UBE3D: variants seen among roughly 807,000 people sequenced by gnomAD.
The protein encoded by UBE3D is ubiquitin protein ligase E3D, also known as E3 ubiquitin-protein ligase E3D.
A neutral mutation model predicts 49.6 loss-of-function variants in UBE3D; 48 were observed. The ratio of observed to expected loss-of-function variants is 0.97; its 90% CI spans 0.77 to 1.23. The LOEUF is 1.23. Ranked by LOEUF, UBE3D falls within the 50% of genes most tolerant of loss-of-function variation. The pLI is 0.00. For synonymous variants in UBE3D, 189 were observed against 174.2 expected (o/e 1.08, Z -0.67); for missense variants, 452 against 468.4 (o/e 0.96, Z 0.32).
intron 9 of UBE3D, among the ~76,000 whole-genome samples, chr6:82,895,597 A>G (rs1413912443): frequency 1.3e-5 from 2 of 152,164 alleles, no homozygotes; most frequent in African/African-American, 4.8e-5. Flanking sequence ...AATTTGTAAA[A>G]CACTTTATTA....
intron 8 of UBE3D, among the ~76,000 whole-genome samples, chr6:83,000,712 T>C (rs1562170371): frequency 2.0e-5 from 3 of 151,910 alleles, no homozygotes; most frequent in Non-Finnish European, 2.9e-5. Flanking sequence ...CTATGCCTGT[T>C]TCTCTCTCTC....
At chr6:83,064,380 A>G (rs1234230230) in intron 1 of UBE3D, among the ~76,000 whole-genome samples, 5 of 152,034 alleles carry the variant, frequency 3.3e-5, no homozygotes, top group African/African-American at 1.2e-4. Context: ...GGTGCGCGCC[A>G]CCACACCCAG....
At chr6:82,970,099 T>C (rs1461512965) in intron 8 of UBE3D, among the ~76,000 whole-genome samples, 1 of 148,098 alleles carries the variant, frequency 6.8e-6, no homozygotes, top group African/African-American at 2.4e-5. Flanking sequence ...TATATAATTA[T>C]ATATAATAGA....
intron 9 of UBE3D, among the ~76,000 whole-genome samples, chr6:82,922,648 TAC>T (rs1238236544): frequency 1.3e-5 from 1 of 74,458 alleles, no homozygotes; most frequent in Non-Finnish European, 3.1e-5. Flanking sequence ...ACCTGGGCAA[TAC>T]CATTCAGGAC....
intron 5 of UBE3D, among the ~76,000 whole-genome samples, chr6:83,034,787 A>G (rs1029726466): frequency 1.3e-5 from 2 of 152,108 alleles, no homozygotes; most frequent in African/African-American, 2.4e-5. Context: ...TTCTTTACAA[A>G]TTACCCAGTC....
chr6:83,020,621 A>G lies in UBE3D; in HGVS notation c.847-1485T>C, dbSNP rs1237484982. ...CTCCCGATCTTCAATCTGAAATCTT[A>G]CAATAAAAGAAAAAGTAAAACTGAT... On this transcript the variant is annotated intron_variant, in intron 7 of 9. Coordinates refer to ENST00000369747, the MANE Select transcript of UBE3D (RefSeq NM_198920.3). Among the ~76,000 whole-genome samples, 3 of 152,358 alleles carry G rather than the reference A, an allele frequency of 2.0e-5. No homozygotes were observed. The East Asian group carries it at 5.8e-4, about 29-fold the overall frequency.
intron 8 of UBE3D, among the ~76,000 whole-genome samples, chr6:82,977,113 CAAAAAAAAAAAAA>C (rs58424434): frequency 7.0e-5 from 3 of 42,572 alleles, no homozygotes; most frequent in South Asian, 3.2e-3. Context: ...GACTCCATCT[CAAAAAAAAAAAAA>C]AAAAAAAAAA....
At chr6:82,923,607 CTAA>C (rs1280602678) in intron 9 of UBE3D, among the ~76,000 whole-genome samples, 1 of 152,116 alleles carries the variant, frequency 6.6e-6, no homozygotes, top group African/African-American at 2.4e-5. Flanking sequence ...GGAGAAATAC[CTAA>C]TGTAGGTGAC....
chr6:83,023,372 CA>C (rs1781235922), intron 6 of UBE3D, among the ~76,000 whole-genome samples: 1 of 152,154 alleles, frequency 6.6e-6, no homozygotes. Flanking sequence ...ATGATCAAAA[CA>C]TTTTTTAAAA....
chr6:83,005,482 A>C (rs1445519141), intron 8 of UBE3D, among the ~76,000 whole-genome samples: 1 of 152,250 alleles, frequency 6.6e-6, no homozygotes, highest in South Asian at 2.1e-4. Flanking sequence ...ACTTCTAGAT[A>C]TATATCCAAA....
intron 9 of UBE3D, among the ~76,000 whole-genome samples, chr6:82,927,213 C>CTTTT (rs34600480): frequency 1.4e-5 from 2 of 144,146 alleles, no homozygotes; most frequent in Non-Finnish European, 1.5e-5. Context: ...ATCTATTTGT[C>CTTTT]TTTTTTTTTT....
chr6:82,966,317 A>G (rs909937149), intron 8 of UBE3D, among the ~76,000 whole-genome samples: 7 of 152,270 alleles, frequency 4.6e-5, no homozygotes, highest in Non-Finnish European at 7.3e-5. Flanking sequence ...ATATTCTGAA[A>G]CTAGATAGTG....
chr6:82,898,458 GA>G (rs1366242350), intron 9 of UBE3D, among the ~76,000 whole-genome samples: 1 of 152,172 alleles, frequency 6.6e-6, no homozygotes, highest in Non-Finnish European at 1.5e-5. Context: ...ACTGAATAAA[GA>G]AAATGTGGCA....
At chr6:83,014,270 T>C (rs951816192) in intron 8 of UBE3D, among the ~76,000 whole-genome samples, 1 of 152,234 alleles carries the variant, frequency 6.6e-6, no homozygotes, top group Non-Finnish European at 1.5e-5. Context: ...TTTCAAGTCC[T>C]TGATGGTGGC....
At chr6:82,893,833 T>C (rs1771115030) in intron 9 of UBE3D, 1 of 152,238 alleles carries the variant, frequency 6.6e-6, no homozygotes, top group Admixed American at 6.5e-5. Flanking sequence ...TCAGGAAATT[T>C]TGTCCTTAAG....
intron 9 of UBE3D, among the ~76,000 whole-genome samples, chr6:82,922,597 A>T (rs1773426324): frequency 1.3e-5 from 2 of 152,006 alleles, no homozygotes; most frequent in Admixed American, 1.3e-4. Context: ...TGGATCAAAG[A>T]CTTAAACATA....
chr6:82,983,412 C>T (rs752259557), intron 8 of UBE3D, among the ~76,000 whole-genome samples: 1 of 152,074 alleles, frequency 6.6e-6, no homozygotes, highest in African/African-American at 2.4e-5. Flanking sequence ...GATCTACCCA[C>T]TTCTGGTTGG....
At chr6:83,062,946 A>C (rs1226101925) in intron 1 of UBE3D, among the ~76,000 whole-genome samples, 2 of 152,238 alleles carry the variant, frequency 1.3e-5, no homozygotes, top group Non-Finnish European at 2.9e-5. Flanking sequence ...ATCACAGATC[A>C]AAATGTGAAA....
At chr6:82,887,471 G>A (rs1385546437), downstream of UBE3D, among the ~76,000 whole-genome samples, 1 of 146,744 alleles carries the variant, frequency 6.8e-6, no homozygotes, top group African/African-American at 2.6e-5. Context: ...CACTTTGGGA[G>A]GCCGAGGCAG....
Sources: allele counts gnomAD v4.1 joint callset (sites outside exome capture counted in the v4.1 genomes callset), GRCh38; gene constraint gnomAD v4.1.1; transcripts MANE v1.5; gene names NCBI Gene and HGNC (gene_info 2026-07-23, HGNC 2026-07-21).